Variants in SUPT3H observed in about 807,000 individuals in gnomAD.
SUPT3H encodes the protein SPT3 homolog, SAGA and STAGA complex component, also known as transcription initiation protein SPT3 homolog.
In SUPT3H, 44 loss-of-function variants were observed where a neutral mutation model predicts 44.3. The observed-to-expected ratio is 0.99, with a 90% CI of 0.78 to 1.28. The LOEUF (loss-of-function observed/expected upper bound fraction) is 1.28. Among genes scored for constraint, SUPT3H ranks in the 50% most tolerant of loss-of-function variants. The pLI, the probability that SUPT3H is intolerant of heterozygous loss-of-function variation, is 0.00. For synonymous variants in SUPT3H, 124 were observed against 125.6 expected (o/e 0.99, Z 0.09); for missense variants, 380 against 387.1 (o/e 0.98, Z 0.15).
At chr6:45,053,197 G>A (rs1448428973) in intron 3 of SUPT3H, among the ~76,000 whole-genome samples, 2 of 142,080 alleles carry the variant, frequency 1.4e-5, no homozygotes, top group African/African-American at 5.4e-5. Flanking sequence ...ACTGGGCCCA[G>A]CTTTTTTGTT....
intron 2 of SUPT3H, among the ~76,000 whole-genome samples, chr6:45,247,597 A>C (rs1334451524): frequency 6.6e-6 from 1 of 152,090 alleles, no homozygotes; most frequent in Non-Finnish European, 1.5e-5. Flanking sequence ...TCACTGCTGG[A>C]AGAAGTGTGT....
intron 2 of SUPT3H, among the ~76,000 whole-genome samples, chr6:45,182,098 G>A (rs1007025536): frequency 6.6e-6 from 1 of 152,020 alleles, no homozygotes; most frequent in African/African-American, 2.4e-5. Flanking sequence ...CAAAGGTGCT[G>A]GAGCTGATGT....
Position 44,935,666 on chromosome 6 carries a change from A to G in SUPT3H, c.802-2903T>C, listed in dbSNP as rs1414833462. Among the ~76,000 whole-genome samples the G allele has an allele frequency of 2.6e-5, 4 of 152,162 alleles. No individual in the cohort carries two copies. In the East Asian group the frequency reaches 5.8e-4, roughly 22 times the overall value. ...TCTTGTATCCTTCCATTTTTGTATTAATAGTTCTTCAACTAGAAACTGATG... is the reference window on the plus strand; with the variant it reads ...TCTTGTATCCTTCCATTTTTGTATTGATAGTTCTTCAACTAGAAACTGATG... On this transcript the variant is annotated intron_variant, in intron 9 of 10. Coordinates refer to ENST00000371459, the MANE Select transcript of SUPT3H (RefSeq NM_003599.4).
chr6:45,056,864 T>C (rs1373459383), intron 3 of SUPT3H, among the ~76,000 whole-genome samples: 1 of 151,660 alleles, frequency 6.6e-6, no homozygotes, highest in Non-Finnish European at 1.5e-5. Context: ...AAAAAAAAGT[T>C]CCAGTCTTAA....
At chr6:45,033,907 T>C (rs767264112) in intron 3 of SUPT3H, among the ~76,000 whole-genome samples, 19 of 152,140 alleles carry the variant, frequency 1.2e-4, no homozygotes, top group Non-Finnish European at 2.5e-4. Context: ...AAGTTCAATT[T>C]TGAGAATTTA....
At chr6:45,305,240 G>A (rs551554767) in intron 2 of SUPT3H, among the ~76,000 whole-genome samples, 59 of 152,166 alleles carry the variant, frequency 3.9e-4, no homozygotes, top group Admixed American at 2.9e-3. Context: ...AACATAACTC[G>A]TTTCATCTCA....
intron 9 of SUPT3H, among the ~76,000 whole-genome samples, chr6:44,941,493 C>G (rs902438417): frequency 4.6e-5 from 7 of 152,016 alleles, no homozygotes; most frequent in African/African-American, 1.4e-4. Context: ...TAAGGTTTTG[C>G]TGAGAAGTCT....
chr6:45,092,510 G>A (rs1191010645), intron 3 of SUPT3H, among the ~76,000 whole-genome samples: 1 of 152,088 alleles, frequency 6.6e-6, no homozygotes, highest in Non-Finnish European at 1.5e-5. Flanking sequence ...CAGCATTTGG[G>A]AGGCTGAGGC....
chr6:45,224,662 C>T (rs1766616066), intron 2 of SUPT3H, among the ~76,000 whole-genome samples: 1 of 151,828 alleles, frequency 6.6e-6, no homozygotes, highest in South Asian at 2.1e-4. Context: ...CCTGTAATTT[C>T]AGCTACTCTG....
chr6:45,008,767 A>C (rs1027108771), intron 5 of SUPT3H, among the ~76,000 whole-genome samples: 4 of 149,296 alleles, frequency 2.7e-5, no homozygotes, highest in Admixed American at 1.3e-4. Flanking sequence ...TTGAGATGGA[A>C]TCTCCCTCTA....
At chr6:45,018,000 T>G (rs1032282847) in intron 4 of SUPT3H, among the ~76,000 whole-genome samples, 4 of 151,912 alleles carry the variant, frequency 2.6e-5, no homozygotes, top group Admixed American at 6.6e-5. Flanking sequence ...CTTCCATTTG[T>G]TTGTATCCTC....
At chr6:44,895,058 ATACT>A (rs1243594621) in intron 10 of SUPT3H, among the ~76,000 whole-genome samples, 4 of 152,046 alleles carry the variant, frequency 2.6e-5, no homozygotes, top group Non-Finnish European at 5.9e-5. Flanking sequence ...TTACCATTCA[ATACT>A]TAAACATTTT....
intron 2 of SUPT3H, among the ~76,000 whole-genome samples, chr6:45,191,760 G>A (rs966479194): frequency 1.3e-5 from 2 of 151,960 alleles, no homozygotes; most frequent in African/African-American, 4.8e-5. Flanking sequence ...TTACAAAAAC[G>A]TTTATCAAAT....
At chr6:45,233,052 G>A (rs955830669) in intron 2 of SUPT3H, among the ~76,000 whole-genome samples, 2 of 152,154 alleles carry the variant, frequency 1.3e-5, no homozygotes, top group African/African-American at 4.8e-5. Flanking sequence ...TATTTCAGCT[G>A]GGGGCAGGGT....
chr6:45,076,502 GAA>G (rs11411267), intron 3 of SUPT3H, among the ~76,000 whole-genome samples: 1 of 142,856 alleles, frequency 7.0e-6, no homozygotes. Flanking sequence ...ACTACAAGAA[GAA>G]AAAAAAAAAA....
At chr6:44,868,248 A>C (rs545178578) in intron 10 of SUPT3H, among the ~76,000 whole-genome samples, 24 of 152,324 alleles carry the variant, frequency 1.6e-4, no homozygotes, top group African/African-American at 5.3e-4. Context: ...CCTCTTAACA[A>C]GTTCTTGTTA....
At chr6:45,068,348 G>C (rs1793771470) in intron 3 of SUPT3H, among the ~76,000 whole-genome samples, 1 of 138,340 alleles carries the variant, frequency 7.2e-6, no homozygotes, top group South Asian at 2.6e-4. Flanking sequence ...AGCATTGGGA[G>C]ATATACCTAA....
chr6:44,814,779 C>G (rs1398045341), intron 11 of SUPT3H, among the ~76,000 whole-genome samples: 1 of 152,014 alleles, frequency 6.6e-6, no homozygotes, highest in African/African-American at 2.4e-5. Context: ...CGGGTTCAAG[C>G]AATTCTCCTG....
chr6:45,077,201 C>T (rs1426748052), intron 3 of SUPT3H, among the ~76,000 whole-genome samples: 3 of 152,126 alleles, frequency 2.0e-5, no homozygotes, highest in Admixed American at 1.3e-4. Flanking sequence ...CTTTATAAAA[C>T]ATTACATCTT....
Sources: gnomAD v4.1 joint callset for allele counts (sites outside exome capture counted in the v4.1 genomes callset) on GRCh38, gnomAD v4.1.1 for gene constraint, MANE v1.5 for transcripts, NCBI Gene and HGNC (gene_info 2026-07-23, HGNC 2026-07-21) for gene names.